The following CTU2 variants were observed in gnomAD, a reference collection of about 807,000 sequenced individuals.
CTU2 encodes the protein cytosolic thiouridylase subunit 2.
In CTU2, 80 loss-of-function variants were observed where a neutral mutation model predicts 64.1. That is an observed-to-expected ratio of 1.25 (90% CI 1.04 to 1.50). CTU2 has a LOEUF of 1.50. Ranked by LOEUF, CTU2 falls within the 40% of genes most tolerant of loss-of-function variation. CTU2 has a pLI of 0.00. For missense variants in CTU2, 1,110 were observed against 690.2 expected, an observed-to-expected ratio of 1.61 and a Z score of -6.81; for synonymous variants, 482 against 285.3, an observed-to-expected ratio of 1.69 and a Z score of -6.95.
chr16:88,711,738 G>A (rs768364930), intron 5 of CTU2, 43 bp downstream of exon 5: 1 of 1,570,420 alleles, frequency 6.4e-7, no homozygotes, highest in Non-Finnish European at 8.7e-7. Flanking sequence ...GCCACTTGGG[G>A]TAAGCCCTGC....
chr16:88,707,181 G>A lies in CTU2; in HGVS notation c.114G>A (p.Val38=), dbSNP rs912914102. ...CVKCKEAQPV[V]VIRAGDAFCR... is the part of the protein sequence containing the mutation. Reference sequence around the variant, plus strand: ...AGTGCAAGGAAGCGCAGCCCGTTGTGGTGATACGAGCCGGAGATGCCTTCT... The same window carrying A: ...AGTGCAAGGAAGCGCAGCCCGTTGTAGTGATACGAGCCGGAGATGCCTTCT... The change falls in exon 2 of 15, where the codon GTG becomes GTA. Residue 38 remains valine (V), a synonymous_variant. Coordinates refer to ENST00000453996, the MANE Select transcript of CTU2 (RefSeq NM_001012759.3). 1.2e-5 allele frequency: 19 copies of A among 1,613,836 alleles called. No individual in the cohort carries two copies. Among genetic ancestry groups the A allele is most frequent in the Non-Finnish European group, 1.4e-5 (17 of 1,179,994 alleles).
In CTU2 at chr16:88,712,616, C is replaced by T. The variant is rs551897407; in HGVS notation, c.454-6C>T. 34 of 1,608,490 alleles carry T rather than the reference C, an allele frequency of 2.1e-5. No individual in the cohort carries two copies. The highest frequency in any genetic ancestry group is 8.4e-5 in the Admixed American group (5 of 59,734). Reference sequence around the variant, plus strand: ...GGCCTCACTGGCGTCTCCCTCATCCCGGAAGGTGTTCAGCCTGCCACCGTC... The same window carrying T: ...GGCCTCACTGGCGTCTCCCTCATCCTGGAAGGTGTTCAGCCTGCCACCGTC... On this transcript the variant is annotated splice_region_variant and splice_polypyrimidine_tract_variant and intron_variant, in intron 6 of 14. Transcript: ENST00000453996.
intron 8 of CTU2, 100 bp downstream of exon 8, chr16:88,713,547 C>CTT (rs397712941): frequency 2.7e-5 from 42 of 1,550,468 alleles, no homozygotes; most frequent in Middle Eastern, 1.8e-4. Context: ...CCTGCGGCCT[C>CTT]GGATGGTGGT....
chr16:88,706,944 C>G (rs1284804789), intron 1 of CTU2, 192 bp from the exon 2 acceptor site: 2 of 603,750 alleles, frequency 3.3e-6, no homozygotes, highest in Non-Finnish European at 5.8e-6. Context: ...CTTTTCTAGG[C>G]TAAACATCCC....
intron 6 of CTU2, 64 bp downstream of exon 6, chr16:88,712,447 C>G: frequency 1.4e-6 from 2 of 1,476,726 alleles, no homozygotes; most frequent in Non-Finnish European, 1.8e-6. Context: ...TGCCCGTGTC[C>G]CAGCCTCACT....
At chr16:88,713,570 C>G in intron 8 of CTU2, 77 bp from the exon 9 acceptor site, 11 of 1,569,074 alleles carry the variant, frequency 7.0e-6, no homozygotes, top group East Asian at 2.3e-5. Context: ...GGTCTGTGAC[C>G]TCCCCTACCT....
In CTU2 at chr16:88,712,639, G is replaced by C. The variant is rs372556512; in HGVS notation, c.471G>C (p.Pro157=). 29 of 1,610,138 alleles carry C rather than the reference G, an allele frequency of 1.8e-5. No homozygotes were observed. The highest frequency in any genetic ancestry group is 2.7e-5 in the African/African-American group (2 of 74,828). Residue 157 remains proline (P), a synonymous_variant, in exon 7 of 15, where the codon CCG becomes CCC. Coordinates refer to ENST00000453996, the MANE Select transcript of CTU2 (RefSeq NM_001012759.3). ...CCCGGAAGGTGTTCAGCCTGCCACC[G>C]TCGGTGCTTTGGTGCTCTGCCCAGG... is the stretch of plus-strand genomic sequence containing the variant. ...VALEEVFSLP[P]SVLWCSAQEL... is the part of the protein sequence containing the mutation.
At chr16:88,711,593 G>C (rs999250505) in intron 4 of CTU2, 42 bp from the exon 5 acceptor site, 1 of 1,553,660 alleles carries the variant, frequency 6.4e-7, no homozygotes, top group Middle Eastern at 1.7e-4. Flanking sequence ...GTGTCCTGTG[G>C]CTTATGGCTG....
chr16:88,714,033 TG>T, intron 9 of CTU2, 102 bp from the exon 10 acceptor site: 1 of 1,207,494 alleles, frequency 8.3e-7, no homozygotes, highest in Non-Finnish European at 1.2e-6. Context: ...CAGACCCATG[TG>T]GGCCAGCAGC....
chr16:88,715,177 T>C lies in CTU2; in HGVS notation c.1479-5T>C, dbSNP rs1911865250. On this transcript the variant is annotated splice_region_variant and splice_polypyrimidine_tract_variant and intron_variant, in intron 14 of 14. Coordinates refer to ENST00000453996, the MANE Select transcript of CTU2 (RefSeq NM_001012759.3). ...GGCTGGTGCCCACTGCAGCTTTCTC[T>C]CTAGGGCCTGGGGCTTGCAGGAGAT... 1 of 1,611,924 alleles carries C rather than the reference T, an allele frequency of 6.2e-7. No individual in the cohort carries two copies. The highest frequency in any genetic ancestry group is 8.5e-7 in the Non-Finnish European group (1 of 1,179,638).
chr16:88,706,680 G>A, intron 1 of CTU2, 82 bp downstream of exon 1: 1 of 1,065,140 alleles, frequency 9.4e-7, no homozygotes, highest in Non-Finnish European at 1.2e-6. Context: ...GGCCGGGCTT[G>A]CTCCGGGAAG....
chr16:88,712,685 G>A lies in CTU2; in HGVS notation c.517G>A (p.Ala173Thr), dbSNP rs1239389442. The change falls in exon 7 of 15, where the codon GCC becomes ACC. Residue 173 changes from alanine to threonine, a missense_variant. Coordinates refer to ENST00000453996, the MANE Select transcript of CTU2 (RefSeq NM_001012759.3). ...CCAGGAGCTGGTGGGATCCGAGGGG[G>A]CCTACAAGGCGGCCGTGGACAGCTT... ...SAQELVGSEG[A>T]YKAAVDSFLQ... 2 of 1,610,394 alleles carry A rather than the reference G, an allele frequency of 1.2e-6. No homozygotes were observed. Among genetic ancestry groups the A allele is most frequent in the East Asian group, 2.2e-5 (1 of 44,874 alleles).
rs1352439212 is a variant in CTU2, at chr16:88,715,268, G to C, written c.*17G>C. 1.5e-5 allele frequency: 24 copies of C among 1,608,824 alleles called. No homozygotes were observed. Among genetic ancestry groups the C allele is most frequent in the Non-Finnish European group, 1.9e-5 (22 of 1,179,304 alleles). On this transcript the variant is annotated 3_prime_UTR_variant, in exon 15 of 15. Coordinates refer to ENST00000453996, the MANE Select transcript of CTU2 (RefSeq NM_001012759.3). ...CAGAGCTGAGCGTGAGGACGTGCTT[G>C]CCGGGACAGCAGGCAGTGGCCACCT...
rs185025215 is a variant in CTU2 at position 88,709,573 on chromosome 16, T to A, written c.144-365T>A. The A allele has an allele frequency of 1.7e-4, 36 of 210,626 alleles. No homozygotes were observed. The East Asian group carries it at 4.0e-3, about 23-fold the overall frequency. The allele number at this position is 210,626 out of a possible 1,614,324, so 13.0% of individuals were successfully genotyped here. A position where few individuals can be genotyped will look rare whatever the true frequency, so the allele number is the denominator to read the frequency against. On this transcript the variant is annotated intron_variant, in intron 2 of 14. Coordinates refer to ENST00000453996, the MANE Select transcript of CTU2 (RefSeq NM_001012759.3). ...TCTGTATGTGGTGGGTCTTTTTTTA[T>A]GGGGTCTGGGTTGGCCTTGCCCTGT... is the stretch of plus-strand genomic sequence containing the variant.
intron 6 of CTU2, 91 bp from the exon 7 acceptor site, chr16:88,712,530 CT>C (rs1276336226): frequency 9.2e-6 from 14 of 1,526,422 alleles, no homozygotes; most frequent in Non-Finnish European, 1.1e-5. Context: ...CCCAGCCTCA[CT>C]GCCGTCTCCC....
rs753359739 is a variant in CTU2, at chr16:88,712,601, G to A, written c.454-21G>A. On this transcript the variant is annotated intron_variant, in intron 6 of 14. Coordinates refer to ENST00000453996, the MANE Select transcript of CTU2 (RefSeq NM_001012759.3). ...CCTGCCCGTGTCCCGGGCCTCACTG[G>A]CGTCTCCCTCATCCCGGAAGGTGTT... 5.0e-6 allele frequency: 8 copies of A among 1,604,022 alleles called. No individual in the cohort carries two copies. The Admixed American group carries it at 1.4e-4, about 27-fold the overall frequency.
chr16:88,712,604 T>A lies in CTU2; in HGVS notation c.454-18T>A. On this transcript the variant is annotated intron_variant, in intron 6 of 14. Coordinates refer to ENST00000453996, the MANE Select transcript of CTU2 (RefSeq NM_001012759.3). The stretch of plus-strand genomic sequence containing the variant: ...GCCCGTGTCCCGGGCCTCACTGGCG[T>A]CTCCCTCATCCCGGAAGGTGTTCAG... The A allele has an allele frequency of 6.2e-7, 1 of 1,604,878 alleles. No individual in the cohort carries two copies. Among genetic ancestry groups the A allele is most frequent in the Non-Finnish European group, 8.5e-7 (1 of 1,176,372 alleles).
Position 88,712,645 on chromosome 16 carries a change from G to A in CTU2, c.477G>A (p.Val159=). ...AGGTGTTCAGCCTGCCACCGTCGGT[G>A]CTTTGGTGCTCTGCCCAGGAGCTGG... ...LEEVFSLPPS[V]LWCSAQELVG... is the part of the protein sequence containing the mutation. The change falls in exon 7 of 15, where the codon GTG becomes GTA. Residue 159 remains valine, a synonymous_variant. Coordinates refer to ENST00000453996, the MANE Select transcript of CTU2 (RefSeq NM_001012759.3). 6.2e-7 allele frequency: 1 copy of A among 1,610,454 alleles called. No homozygotes were observed.
rs765572796 is a variant in CTU2 at position 88,712,802 on chromosome 16, A to G, written c.634A>G (p.Asn212Asp). ...QPPQPPLDPQNLARPPAPAQT... is the reference protein window; with the variant it reads ...QPPQPPLDPQDLARPPAPAQT... Reference sequence around the variant, plus strand: ...ACCCCAGCCCCCGCTGGACCCCCAGAACCTGGCAAGACCGCCTGCCCCTGC... The same window carrying G: ...ACCCCAGCCCCCGCTGGACCCCCAGGACCTGGCAAGACCGCCTGCCCCTGC... Residue 212 changes from asparagine to aspartate, a missense_variant, in exon 7 of 15, where the codon AAC becomes GAC. Physicochemically the swap from Asn to Asp is conservative, Grantham distance 23. Coordinates refer to ENST00000453996, the MANE Select transcript of CTU2 (RefSeq NM_001012759.3). 2.8e-5 allele frequency: 45 copies of G among 1,607,576 alleles called. No homozygotes were observed. The South Asian group carries it at 4.5e-4, about 16-fold the overall frequency.
Sources: allele counts gnomAD v4.1 joint callset, GRCh38; gene constraint gnomAD v4.1.1; transcripts MANE v1.5; gene names NCBI Gene and HGNC (gene_info 2026-07-23, HGNC 2026-07-21).